The following ENTREP2 variants were observed in gnomAD, a reference collection of about 807,000 sequenced individuals.
ENTREP2 encodes endosomal transmembrane epsin interactor 2.
chr15:29,447,307 G>C, the ENTREP2 span, among the ~76,000 whole-genome samples: 2 of 152,052 alleles, frequency 1.3e-5, no homozygotes, highest in African/African-American at 2.4e-5. Context: ...ATGAGAACAG[G>C]CCCCTTCTAC....
At chr15:29,471,339 A>T in the ENTREP2 span, among the ~76,000 whole-genome samples, 2 of 152,216 alleles carry the variant, frequency 1.3e-5, no homozygotes, top group Admixed American at 1.3e-4. Flanking sequence ...TCCAAGAAGG[A>T]CTTCTGACCA....
At chr15:29,253,422 A>G in the ENTREP2 span, among the ~76,000 whole-genome samples, 5 of 150,428 alleles carry the variant, frequency 3.3e-5, no homozygotes, top group African/African-American at 1.2e-4. Flanking sequence ...CCAAATTCAG[A>G]TCAATAAAAG....
At chr15:29,645,869 T>C in the ENTREP2 span, among the ~76,000 whole-genome samples, 1 of 152,182 alleles carries the variant, frequency 6.6e-6, no homozygotes, top group African/African-American at 2.4e-5. Context: ...GTGATTACCA[T>C]ATTTCTGAAA....
At chr15:29,325,756 C>T in the ENTREP2 span, among the ~76,000 whole-genome samples, 1 of 152,078 alleles carries the variant, frequency 6.6e-6, no homozygotes, top group Non-Finnish European at 1.5e-5. Context: ...TCTATGAGGC[C>T]AGCATTACCC....
the ENTREP2 span, among the ~76,000 whole-genome samples, chr15:29,338,797 G>T: frequency 6.6e-6 from 1 of 152,270 alleles, no homozygotes; most frequent in South Asian, 2.1e-4. Context: ...GCAAAGTAAG[G>T]TTTTTAAAAA....
chr15:29,400,687 A>G, the ENTREP2 span, among the ~76,000 whole-genome samples: 4 of 152,244 alleles, frequency 2.6e-5, no homozygotes, highest in Admixed American at 2.6e-4. Context: ...TTAAGGCACC[A>G]CACAATTTTA....
At chr15:29,464,865 C>G in the ENTREP2 span, among the ~76,000 whole-genome samples, 3 of 152,156 alleles carry the variant, frequency 2.0e-5, no homozygotes, top group African/African-American at 7.2e-5. Flanking sequence ...CGGGCCTGTA[C>G]CCTCAGAGAC....
chr15:29,190,961 G>C, the ENTREP2 span, among the ~76,000 whole-genome samples: 1 of 152,172 alleles, frequency 6.6e-6, no homozygotes, highest in African/African-American at 2.4e-5. Flanking sequence ...GCAGGTGATA[G>C]GAAGGGGCTG....
chr15:29,490,083 A>G, the ENTREP2 span, among the ~76,000 whole-genome samples: 1 of 152,226 alleles, frequency 6.6e-6, no homozygotes, highest in African/African-American at 2.4e-5. Flanking sequence ...TCTCCAGTAA[A>G]CATTTCTGTA....
chr15:29,246,799 A>C, the ENTREP2 span, among the ~76,000 whole-genome samples: 1 of 152,182 alleles, frequency 6.6e-6, no homozygotes, highest in African/African-American at 2.4e-5. Flanking sequence ...GAATTATCAC[A>C]CATCCATCCA....
the ENTREP2 span, among the ~76,000 whole-genome samples, chr15:29,176,406 G>A: frequency 1.3e-5 from 2 of 152,196 alleles, no homozygotes; most frequent in African/African-American, 2.4e-5. Flanking sequence ...TGGGGGCCAT[G>A]AGGGGCAGGC....
the ENTREP2 span, among the ~76,000 whole-genome samples, chr15:29,472,363 T>G: frequency 6.6e-6 from 1 of 150,952 alleles, no homozygotes; most frequent in African/African-American, 2.4e-5. Context: ...GATGAACTGT[T>G]CAGACAAGGC....
chr15:29,439,801 A>G, the ENTREP2 span, among the ~76,000 whole-genome samples: 1 of 152,188 alleles, frequency 6.6e-6, no homozygotes, highest in Non-Finnish European at 1.5e-5. Context: ...GAACTTAGTG[A>G]CTGGCTTCTA....
At chr15:29,251,334 A>G in the ENTREP2 span, among the ~76,000 whole-genome samples, 1 of 152,200 alleles carries the variant, frequency 6.6e-6, no homozygotes, top group Admixed American at 6.5e-5. Flanking sequence ...ACACACTGCA[A>G]TTTCTGTCAC....
At chr15:29,286,346 A>G in the ENTREP2 span, among the ~76,000 whole-genome samples, 8 of 152,256 alleles carry the variant, frequency 5.3e-5, no homozygotes, top group Non-Finnish European at 1.2e-4. Context: ...AGGTTAATAG[A>G]CATACATCAG....
chr15:29,630,967 C>A, the ENTREP2 span, among the ~76,000 whole-genome samples: 14 of 152,196 alleles, frequency 9.2e-5, no homozygotes, highest in African/African-American at 3.4e-4. Context: ...CAGGCATAAG[C>A]CTGTATTATT....
the ENTREP2 span, among the ~76,000 whole-genome samples, chr15:29,149,635 CTTTAGAG>C: frequency 6.6e-6 from 1 of 152,220 alleles, no homozygotes; most frequent in Non-Finnish European, 1.5e-5. Flanking sequence ...CACGCTTCAT[CTTTAGAG>C]CCGAGGAAAC....
chr15:29,298,977 G>GT, the ENTREP2 span, among the ~76,000 whole-genome samples: 1 of 151,938 alleles, frequency 6.6e-6, no homozygotes, highest in Non-Finnish European at 1.5e-5. Flanking sequence ...TTTAACAAAC[G>GT]TGACTTGAAA....
At chr15:29,257,046 ATTTATTTAT>A in the ENTREP2 span, among the ~76,000 whole-genome samples, 1 of 43,858 alleles carries the variant, frequency 2.3e-5, no homozygotes, top group African/African-American at 1.4e-4. Context: ...TTTTTTTATT[ATTTATTTAT>A]TTATTTATTT....
Sources: gnomAD v4.1 joint callset for allele counts (sites outside exome capture counted in the v4.1 genomes callset) on GRCh38, gnomAD v4.1.1 for gene constraint, MANE v1.5 for transcripts, NCBI Gene and HGNC (gene_info 2026-07-23, HGNC 2026-07-21) for gene names.